Variants in ADAM23 observed in about 807,000 individuals in gnomAD.
ADAM23 encodes ADAM metallopeptidase domain 23, also known as disintegrin and metalloproteinase domain-containing protein 23.
In ADAM23, 33 loss-of-function variants were observed where a neutral mutation model predicts 120.1. The ratio of observed to expected loss-of-function variants is 0.27; its 90% CI spans 0.21 to 0.37. The LOEUF is 0.37. Ranked by LOEUF, ADAM23 falls within the 10% of genes least tolerant of loss-of-function variation. The pLI, the probability that ADAM23 is intolerant of heterozygous loss-of-function variation, is 1.00. For synonymous variants in ADAM23, 367 were observed against 375.2 expected (o/e 0.98, Z 0.25); for missense variants, 862 against 1,058.2 (o/e 0.81, Z 2.57).
At position 206,610,015 on chromosome 2, in the gene ADAM23, A is replaced by G; in HGVS notation, c.2450+15A>G. On this transcript the variant is annotated intron_variant, in intron 25 of 25. Coordinates refer to ENST00000264377, the MANE Select transcript of ADAM23 (RefSeq NM_003812.4). The stretch of plus-strand genomic sequence containing the variant: ...TGGGGATTTAAGTAAGCAACGCCGC[A>G]TGTCTTCTTCTCAGTGGCTCTGGCA... 6.5e-7 allele frequency: 1 copy of G among 1,549,676 alleles called. No individual in the cohort carries two copies. The highest frequency in any genetic ancestry group is 1.4e-5 in the African/African-American group (1 of 70,678).
chr2:206,545,790 C>T (rs1697385888), intron 6 of ADAM23, among the ~76,000 whole-genome samples: 1 of 152,150 alleles, frequency 6.6e-6, no homozygotes, highest in African/African-American at 2.4e-5. Flanking sequence ...AATCTGTGTA[C>T]AGCAAAATTA....
At chr2:206,608,455 G>A (rs13426352) in intron 24 of ADAM23, among the ~76,000 whole-genome samples, 3 of 152,100 alleles carry the variant, frequency 2.0e-5, no homozygotes, top group African/African-American at 4.8e-5. Flanking sequence ...CACCTCATAC[G>A]ATTTTTGTAA....
At chr2:206,490,254 CTA>C (rs1355342316) in intron 3 of ADAM23, among the ~76,000 whole-genome samples, 13 of 152,196 alleles carry the variant, frequency 8.5e-5, no homozygotes, top group African/African-American at 3.1e-4. Flanking sequence ...TCTTGGACTT[CTA>C]GCCTTCCGAA....
intron 3 of ADAM23, among the ~76,000 whole-genome samples, chr2:206,502,239 A>G (rs938102922): frequency 6.6e-6 from 1 of 152,182 alleles, no homozygotes; most frequent in African/African-American, 2.4e-5. Flanking sequence ...CTCTTTGGCC[A>G]TAGTCTTTGT....
chr2:206,592,723 G>A lies in ADAM23; in HGVS notation c.2065G>A (p.Val689Met). The change falls in exon 22 of 26, where the codon GTG becomes ATG. Residue 689 changes from valine (V) to methionine (M), a missense_variant. Physicochemically the swap from Val to Met is conservative, Grantham distance 21 (BLOSUM62 1). Transcript: ENST00000264377. ...IPTSFYHQGR[V>M]IDCSGAHVVL... ...AACTTCCTTCTACCATCAAGGCCGG[G>A]TGATTGACTGCAGGTAACATATTAA... 4 of 1,613,898 alleles carry A rather than the reference G, an allele frequency of 2.5e-6. No homozygotes were observed. Among genetic ancestry groups the A allele is most frequent in the African/African-American group, 1.3e-5 (1 of 74,970 alleles).
chr2:206,544,843 A>G (rs1481094597), intron 6 of ADAM23, among the ~76,000 whole-genome samples: 1 of 152,128 alleles, frequency 6.6e-6, no homozygotes, highest in Non-Finnish European at 1.5e-5. Flanking sequence ...TAAATTTTTT[A>G]TACATACACA....
intron 4 of ADAM23, among the ~76,000 whole-genome samples, chr2:206,537,394 C>T (rs757865387): frequency 1.3e-5 from 2 of 151,902 alleles, no homozygotes; most frequent in African/African-American, 2.4e-5. Flanking sequence ...TGGAGGAGTG[C>T]GTGTTCTGAA....
chr2:206,531,074 AT>A, intron 4 of ADAM23, 126 bp downstream of exon 4: 1 of 660,250 alleles, frequency 1.5e-6, no homozygotes, highest in Non-Finnish European at 2.4e-6. Flanking sequence ...CAATGATACT[AT>A]TTTTAGTGAG....
At chr2:206,488,410 A>T (rs764828141) in intron 3 of ADAM23, among the ~76,000 whole-genome samples, 5 of 151,950 alleles carry the variant, frequency 3.3e-5, no homozygotes, top group Non-Finnish European at 7.4e-5. Context: ...ATTCCATGGG[A>T]CTCCTACAGG....
intron 3 of ADAM23, among the ~76,000 whole-genome samples, chr2:206,504,169 G>A (rs1696448279): frequency 6.6e-6 from 1 of 151,968 alleles, no homozygotes; most frequent in African/African-American, 2.4e-5. Context: ...TAAAAAAGGT[G>A]CCATTTAAAA....
In ADAM23 at chr2:206,573,153, C is replaced by T. The variant is rs1386866544; in HGVS notation, c.1695C>T (p.Asn565=). 3.7e-6 allele frequency: 6 copies of T among 1,613,774 alleles called. No individual in the cohort carries two copies. The highest frequency in any genetic ancestry group is 2.7e-5 in the African/African-American group (2 of 74,884). The change falls in exon 18 of 26, where the codon AAC becomes AAT. Residue 565 remains asparagine, a synonymous_variant. Coordinates refer to ENST00000264377, the MANE Select transcript of ADAM23 (RefSeq NM_003812.4). ...GGTATGAATGCCGGGATGCTGTGAA[C>T]GAGTGTGATATTACTGAATATTGTA... ...PRGYECRDAV[N]ECDITEYCTG...
intron 17 of ADAM23, among the ~76,000 whole-genome samples, chr2:206,572,658 G>T (rs902611164): frequency 1.3e-5 from 2 of 152,070 alleles, no homozygotes; most frequent in Non-Finnish European, 1.5e-5. Context: ...AAGGTAATTC[G>T]TATGAATTTA....
intron 3 of ADAM23, among the ~76,000 whole-genome samples, chr2:206,494,696 A>G (rs1696201918): frequency 1.3e-5 from 2 of 152,218 alleles, no homozygotes; most frequent in South Asian, 4.1e-4. Context: ...GATACAGCTT[A>G]GCTATTTTGC....
At chr2:206,523,450 A>G (rs1056427918) in intron 3 of ADAM23, among the ~76,000 whole-genome samples, 8 of 152,168 alleles carry the variant, frequency 5.3e-5, no homozygotes, top group African/African-American at 1.9e-4. Context: ...TATGCAACCT[A>G]TAATTATTTT....
chr2:206,482,681 A>G (rs1474310037), intron 3 of ADAM23, among the ~76,000 whole-genome samples: 2 of 152,174 alleles, frequency 1.3e-5, no homozygotes, highest in African/African-American at 4.8e-5. Flanking sequence ...GCAGTCCCTG[A>G]CTTGAGGAAT....
In ADAM23 at chr2:206,446,093, A is replaced by G. The variant is rs147676749; in HGVS notation, c.432+569A>G. On this transcript the variant is annotated intron_variant, in intron 2 of 25. Coordinates refer to ENST00000264377, the MANE Select transcript of ADAM23 (RefSeq NM_003812.4). ...TTTAAAAAGATTATGGTGACTAGAC[A>G]CAAATTATTTGCATAATATGAAGAC... 2.6e-5 allele frequency among the ~76,000 whole-genome samples: 4 copies of G among 152,356 alleles called. No individual in the cohort carries two copies. The East Asian group carries it at 7.7e-4, about 29-fold the overall frequency.
At chr2:206,586,225 C>A (rs1051846672) in intron 18 of ADAM23, among the ~76,000 whole-genome samples, 1 of 152,016 alleles carries the variant, frequency 6.6e-6, no homozygotes, top group Non-Finnish European at 1.5e-5. Flanking sequence ...AACAGAAGAT[C>A]GATGTGATTT....
chr2:206,516,748 A>T (rs1163109777), intron 3 of ADAM23, among the ~76,000 whole-genome samples: 3 of 152,144 alleles, frequency 2.0e-5, no homozygotes, highest in Non-Finnish European at 2.9e-5. Flanking sequence ...TCACTCTTGA[A>T]GGATTTCAGC....
intron 5 of ADAM23, among the ~76,000 whole-genome samples, chr2:206,542,897 A>G (rs904209070): frequency 2.0e-5 from 3 of 152,204 alleles, no homozygotes; most frequent in Non-Finnish European, 1.5e-5. Flanking sequence ...AGAAATTTGT[A>G]TAGTTGTACA....
Sources: gnomAD v4.1 joint callset for allele counts (sites outside exome capture counted in the v4.1 genomes callset) on GRCh38, gnomAD v4.1.1 for gene constraint, MANE v1.5 for transcripts, NCBI Gene and HGNC (gene_info 2026-07-23, HGNC 2026-07-21) for gene names.